ERI3: variants seen among roughly 807,000 people sequenced by gnomAD.
The protein encoded by ERI3 is ERI1 exoribonuclease family member 3, also known as ERI1 exoribonuclease 3.
Under a neutral mutation model 44.4 loss-of-function variants are expected in ERI3, and 18 were observed. That is an observed-to-expected ratio of 0.41 (90% CI 0.28 to 0.60). The LOEUF (loss-of-function observed/expected upper bound fraction) is 0.60, where lower values mean the gene tolerates loss of function less well. Among genes scored for constraint, ERI3 ranks in the 20% least tolerant of loss-of-function variants. The pLI, the probability that ERI3 is intolerant of heterozygous loss-of-function variation, is 0.36. For synonymous variants in ERI3, 183 were observed against 164.8 expected, an observed-to-expected ratio of 1.11 and a Z score of -0.84; for missense variants, 294 against 435.5, an observed-to-expected ratio of 0.68 and a Z score of 2.89.
Position 44,228,037 on chromosome 1 carries a change from C to T in ERI3, c.932-6397G>A, listed in dbSNP as rs1015628225. Among the ~76,000 whole-genome samples the T allele has an allele frequency of 1.3e-5, 2 of 151,846 alleles. No individual in the cohort carries two copies. The highest frequency in any genetic ancestry group is 2.1e-4 in the South Asian group (1 of 4,802). ...CAACAATAAATTCCTGATATCCCCA[C>T]CCCCCAGTTCCTTGTCTCAGACATG... On this transcript the variant is annotated intron_variant, in intron 8 of 8. Transcript: ENST00000372257. The surrounding 1 kb of genome is among the most constrained non-coding windows in gnomAD (Gnocchi z 4.3).
intron 7 of ERI3, among the ~76,000 whole-genome samples, chr1:44,260,531 A>T (rs971491425): frequency 1.3e-5 from 2 of 152,200 alleles, no homozygotes; most frequent in Non-Finnish European, 2.9e-5. Context: ...CACAGAGGAG[A>T]GGAGAGAGGC....
chr1:44,273,396 C>A (rs1444879570), intron 7 of ERI3, among the ~76,000 whole-genome samples: 1 of 152,230 alleles, frequency 6.6e-6, no homozygotes, highest in Non-Finnish European at 1.5e-5. Flanking sequence ...CAAATGCTAG[C>A]TTCACCTCTT....
intron 7 of ERI3, chr1:44,283,837 T>A (rs1401258222): frequency 5.5e-6 from 2 of 361,254 alleles, no homozygotes; most frequent in East Asian, 7.7e-5. Context: ...ACCAAAAGCA[T>A]GCTGCCCTCC....
intron 4 of ERI3, among the ~76,000 whole-genome samples, chr1:44,319,319 G>C (rs1412187616): frequency 6.6e-6 from 1 of 152,224 alleles, no homozygotes; most frequent in Non-Finnish European, 1.5e-5. Context: ...GGGGCCCTAA[G>C]GAAAACTGAA....
At position 44,352,838 on chromosome 1, in the gene ERI3, C is replaced by T. The variant is rs200579579; in HGVS notation, c.211+12G>A. 4 of 1,614,036 alleles carry T rather than the reference C, an allele frequency of 2.5e-6. No homozygotes were observed. The highest frequency in any genetic ancestry group is 1.7e-5 in the Admixed American group (1 of 60,016). On this transcript the variant is annotated intron_variant, in intron 2 of 8. Coordinates refer to ENST00000372257, the MANE Select transcript of ERI3 (RefSeq NM_024066.3). ...AATAAAGCCAGACTTGACCATGCAA[C>T]AGGATTCTCACCTCTCCTTACTTCG...
chr1:44,342,979 G>A (rs989935785), intron 2 of ERI3, among the ~76,000 whole-genome samples: 30 of 145,602 alleles, frequency 2.1e-4, no homozygotes, highest in Non-Finnish European at 7.4e-5. Flanking sequence ...AAAGTGCTGG[G>A]ATTACAGGCA....
intron 3 of ERI3, among the ~76,000 whole-genome samples, chr1:44,326,835 T>C (rs965396452): frequency 1.3e-5 from 2 of 152,152 alleles, no homozygotes; most frequent in African/African-American, 2.4e-5. Flanking sequence ...AGGCTGAAAA[T>C]AGACACTGCT....
intron 7 of ERI3, among the ~76,000 whole-genome samples, chr1:44,265,409 T>A (rs1449693174): frequency 1.3e-5 from 2 of 152,172 alleles, no homozygotes; most frequent in African/African-American, 4.8e-5. Context: ...GGAACCAGAA[T>A]GAGAAAGCTT....
At chr1:44,335,298 C>T (rs1646510513) in intron 3 of ERI3, among the ~76,000 whole-genome samples, 1 of 151,392 alleles carries the variant, frequency 6.6e-6, no homozygotes, top group East Asian at 1.9e-4. Flanking sequence ...TGAGGCTGCA[C>T]TGAGCTGTGA....
chr1:44,268,377 A>C (rs1282541356), intron 7 of ERI3, among the ~76,000 whole-genome samples: 1 of 152,194 alleles, frequency 6.6e-6, no homozygotes, highest in Non-Finnish European at 1.5e-5. Context: ...AACAAGAGAG[A>C]AATGTCTTTA....
intron 3 of ERI3, among the ~76,000 whole-genome samples, chr1:44,337,997 T>G (rs1646570149): frequency 6.6e-6 from 1 of 152,192 alleles, no homozygotes; most frequent in South Asian, 2.1e-4. Context: ...AATGAACTGC[T>G]ACATCAGCCC....
chr1:44,277,532 T>C (rs1032392290), intron 7 of ERI3, among the ~76,000 whole-genome samples: 1 of 152,214 alleles, frequency 6.6e-6, no homozygotes, highest in African/African-American at 2.4e-5. Flanking sequence ...CACTCCAATT[T>C]GGCTCCTGTT....
Position 44,322,611 on chromosome 1 carries a change from G to A in ERI3, c.490-2867C>T, listed in dbSNP as rs1001395892. On this transcript the variant is annotated intron_variant, in intron 3 of 8. Transcript: ENST00000372257. ...AACATGAGGAGCTGTTATTAACAAT[G>A]AGCCTACACACTGGCATATTCACTT... 16 of 1,296,700 alleles carry A rather than the reference G, an allele frequency of 1.2e-5. No individual in the cohort carries two copies. The East Asian group carries it at 4.1e-4, about 33-fold the overall frequency. The allele number at this position is 1,296,700 out of a possible 1,614,324, so 80.3% of individuals were successfully genotyped here.
chr1:44,302,179 C>T (rs1462534191), intron 6 of ERI3, among the ~76,000 whole-genome samples: 5 of 152,152 alleles, frequency 3.3e-5, no homozygotes, highest in South Asian at 2.1e-4. Context: ...TCTTCCTGGC[C>T]GTTGTGGAGA....
chr1:44,336,109 C>G (rs1646530831), intron 3 of ERI3, among the ~76,000 whole-genome samples: 1 of 152,180 alleles, frequency 6.6e-6, no homozygotes, highest in Non-Finnish European at 1.5e-5. Context: ...TTTTGTGCCT[C>G]TAATGATTTG....
At chr1:44,278,294 T>C (rs1046443726) in intron 7 of ERI3, among the ~76,000 whole-genome samples, 3 of 152,046 alleles carry the variant, frequency 2.0e-5, no homozygotes, top group Non-Finnish European at 4.4e-5. Flanking sequence ...CTGAACAACA[T>C]GGCGAAACTC....
chr1:44,310,362 A>G (rs1289076454), intron 5 of ERI3, among the ~76,000 whole-genome samples: 1 of 152,194 alleles, frequency 6.6e-6, no homozygotes, highest in Admixed American at 6.5e-5. Flanking sequence ...TTATCTGTTT[A>G]ATGTCTGCCT....
At chr1:44,341,239 AT>A (rs1646646667) in intron 2 of ERI3, among the ~76,000 whole-genome samples, 1 of 152,238 alleles carries the variant, frequency 6.6e-6, no homozygotes, top group Non-Finnish European at 1.5e-5. Flanking sequence ...TCAATTCCTC[AT>A]CTGTAAAATG....
chr1:44,315,605 G>C (rs186022245), intron 4 of ERI3, among the ~76,000 whole-genome samples: 1 of 152,356 alleles, frequency 6.6e-6, no homozygotes, highest in East Asian at 1.9e-4. Flanking sequence ...GAGGAGCCTA[G>C]TGAGGTCAGC....
Sources: allele counts gnomAD v4.1 joint callset (sites outside exome capture counted in the v4.1 genomes callset), GRCh38; gene constraint gnomAD v4.1.1; non-coding constraint Gnocchi (gnomAD v3.1); transcripts MANE v1.5; gene names NCBI Gene and HGNC (gene_info 2026-07-23, HGNC 2026-07-21).